The following IFRD1 variants were observed in gnomAD, a reference collection of about 807,000 sequenced individuals.
IFRD1 encodes interferon-related developmental regulator 1.
In IFRD1, 35 loss-of-function variants were observed where a neutral mutation model predicts 52.9. The observed-to-expected ratio is 0.66, with a 90% CI of 0.51 to 0.88. The LOEUF is 0.88. Among genes scored for constraint, IFRD1 ranks in the 40% least tolerant of loss-of-function variants. The pLI is 0.00. For missense variants in IFRD1, 517 were observed against 550.8 expected, an observed-to-expected ratio of 0.94 and a Z score of 0.61; for synonymous variants, 184 against 188.4, an observed-to-expected ratio of 0.98 and a Z score of 0.19.
chr7:112,449,831 G>T (rs201581498), upstream of IFRD1, among the ~76,000 whole-genome samples: 72,083 of 115,664 alleles, frequency 0.62, 19,762 homozygotes, highest in East Asian at 0.71. Context: ...TTTTTTGGGG[G>T]GGGGGGGGGA....
intron 9 of IFRD1, among the ~76,000 whole-genome samples, chr7:112,471,538 C>A (rs189780159): frequency 1.3e-5 from 2 of 152,198 alleles, no homozygotes; most frequent in Admixed American, 6.5e-5. Context: ...AATTAAGTAG[C>A]CAGTTTTCTT....
chr7:112,463,851 T>TACAC (rs1795530827), intron 8 of IFRD1, among the ~76,000 whole-genome samples: 1 of 26,934 alleles, frequency 3.7e-5, no homozygotes, highest in African/African-American at 2.2e-4. Flanking sequence ...TACACATTTA[T>TACAC]ATACACACAC....
chr7:112,447,703 T>A (rs1005070228), upstream of IFRD1, among the ~76,000 whole-genome samples: 1 of 152,138 alleles, frequency 6.6e-6, no homozygotes, highest in East Asian at 1.9e-4. Flanking sequence ...ATGTTTGGAG[T>A]CTTCTAATTT....
At chr7:112,462,866 A>G (rs1465316673) in intron 8 of IFRD1, among the ~76,000 whole-genome samples, 2 of 152,176 alleles carry the variant, frequency 1.3e-5, no homozygotes, top group African/African-American at 4.8e-5. Flanking sequence ...GCAGTTACCC[A>G]TTCACTTGTC....
At chr7:112,467,928 G>A (rs1022750230) in intron 8 of IFRD1, 53 bp from the exon 9 acceptor site, 2 of 1,326,142 alleles carry the variant, frequency 1.5e-6, no homozygotes, top group South Asian at 1.4e-5. Flanking sequence ...CTCTATATGA[G>A]GTCAGAAAAG....
At chr7:112,429,581 A>G (rs1469242901) in intron 1 of IFRD1, among the ~76,000 whole-genome samples, 1 of 152,240 alleles carries the variant, frequency 6.6e-6, no homozygotes, top group Admixed American at 6.5e-5. Context: ...CAATCTGAAC[A>G]GCTGCTACTC....
chr7:112,452,192 C>T (rs977280115), intron 1 of IFRD1: 1 of 847,988 alleles, frequency 1.2e-6, no homozygotes, highest in African/African-American at 1.9e-5. Flanking sequence ...GGGAGTCTGG[C>T]TCTGTCGCCC....
rs958236876 is a variant in IFRD1 at position 112,468,107 on chromosome 7, G to A, written c.1033G>A (p.Ala345Thr). The A allele has an allele frequency of 1.9e-6, 3 of 1,614,012 alleles. No homozygotes were observed. Among genetic ancestry groups the A allele is most frequent in the African/African-American group, 1.3e-5 (1 of 75,030 alleles). ...QRSVFRDVLR[A>T]VEERDFPTET... ...GTCAGTTTTCAGAGATGTCCTGAGG[G>A]CAGTGGAGGTAGGCTTCTTAAATGC... Residue 345 changes from alanine (A) to threonine (T), a missense_variant, in exon 9 of 12, where the codon GCA becomes ACA. Physicochemically the swap from Ala to Thr is moderately conservative, Grantham distance 58. Coordinates refer to ENST00000403825, the MANE Select transcript of IFRD1 (RefSeq NM_001550.4).
At chr7:112,442,647 T>C (rs1794920854) in intron 1 of IFRD1, among the ~76,000 whole-genome samples, 1 of 151,832 alleles carries the variant, frequency 6.6e-6, no homozygotes. Flanking sequence ...GAAGCAAGAG[T>C]CACCTCCAAA....
At chr7:112,456,161 T>C in intron 3 of IFRD1, 75 bp downstream of exon 3, 1 of 845,482 alleles carries the variant, frequency 1.2e-6, no homozygotes, top group Non-Finnish European at 2.1e-6. Context: ...AAATGATTAT[T>C]CTGTGTGATT....
intron 8 of IFRD1, among the ~76,000 whole-genome samples, chr7:112,466,770 A>G (rs553443315): frequency 2.0e-5 from 3 of 152,358 alleles, no homozygotes; most frequent in Admixed American, 2.0e-4. Flanking sequence ...CTGTAAAAGA[A>G]CAAGTAGCCA....
chr7:112,432,403 G>A (rs1794567446), intron 1 of IFRD1, among the ~76,000 whole-genome samples: 1 of 152,200 alleles, frequency 6.6e-6, no homozygotes, highest in Non-Finnish European at 1.5e-5. Context: ...GAGACTTAAA[G>A]AAGTAACTTG....
chr7:112,451,398 T>A (rs1444615677), intron 1 of IFRD1, among the ~76,000 whole-genome samples: 1 of 152,170 alleles, frequency 6.6e-6, no homozygotes, highest in African/African-American at 2.4e-5. Flanking sequence ...CTCCTTCCCC[T>A]AACTGGCACC....
chr7:112,468,594 G>T (rs890362991), intron 9 of IFRD1, among the ~76,000 whole-genome samples: 8 of 152,046 alleles, frequency 5.3e-5, no homozygotes, highest in African/African-American at 1.9e-4. Flanking sequence ...CCGCCTCCCG[G>T]GTTCAAGTAA....
chr7:112,442,129 A>G (rs894575907), intron 1 of IFRD1, among the ~76,000 whole-genome samples: 2 of 152,226 alleles, frequency 1.3e-5, no homozygotes, highest in African/African-American at 4.8e-5. Flanking sequence ...GTCTGGATCT[A>G]AAACTCGGTG....
chr7:112,456,624 T>TA (rs1795298889), intron 3 of IFRD1, among the ~76,000 whole-genome samples: 1 of 152,194 alleles, frequency 6.6e-6, no homozygotes, highest in Non-Finnish European at 1.5e-5. Flanking sequence ...AACAATACAT[T>TA]AAAACTATAC....
At chr7:112,446,117 A>G (rs1355833037), upstream of IFRD1, 4 of 154,246 alleles carry the variant, frequency 2.6e-5, no homozygotes, top group Non-Finnish European at 5.8e-5. Context: ...TTATTCATTC[A>G]GTAAATGTGT....
intron 1 of IFRD1, among the ~76,000 whole-genome samples, chr7:112,442,644 G>A (rs1304104691): frequency 6.6e-6 from 1 of 152,192 alleles, no homozygotes; most frequent in Non-Finnish European, 1.5e-5. Context: ...AGAGAAGCAA[G>A]AGTCACCTCC....
In IFRD1 at chr7:112,450,725, G is replaced by C; in HGVS notation, c.37G>C (p.Gly13Arg). ...KNKKRNTPHR[G>R]SSAGGGGSGA... ...CAAGAAGCGGAACACTCCCCACCGCGGTAGCAGTGCTGGCGGCGGCGGGTC... is the reference window on the plus strand; with the variant it reads ...CAAGAAGCGGAACACTCCCCACCGCCGTAGCAGTGCTGGCGGCGGCGGGTC... Residue 13 changes from glycine to arginine, a missense_variant, in exon 1 of 12, where the codon GGT becomes CGT. Gly to Arg is a moderately radical substitution (Grantham distance 125, BLOSUM62 -2). Coordinates refer to ENST00000403825, the MANE Select transcript of IFRD1 (RefSeq NM_001550.4). 3 of 1,612,928 alleles carry C rather than the reference G, an allele frequency of 1.9e-6. No individual in the cohort carries two copies. The highest frequency in any genetic ancestry group is 2.5e-6 in the Non-Finnish European group (3 of 1,179,898).
Sources: allele counts gnomAD v4.1 joint callset (sites outside exome capture counted in the v4.1 genomes callset), GRCh38; gene constraint gnomAD v4.1.1; transcripts MANE v1.5; gene names NCBI Gene and HGNC (gene_info 2026-07-23, HGNC 2026-07-21).